The following ADCY9 variants were observed in gnomAD, a reference collection of about 807,000 sequenced individuals.
The protein encoded by ADCY9 is adenylate cyclase 9.
In ADCY9, 50 loss-of-function variants were observed where a neutral mutation model predicts 101.5. The observed-to-expected ratio is 0.49, with a 90% CI of 0.39 to 0.62. ADCY9 has a LOEUF of 0.62. Among genes scored for constraint, ADCY9 ranks in the 20% least tolerant of loss-of-function variants. The pLI is 0.00. For synonymous variants in ADCY9, 905 were observed against 769.3 expected (o/e 1.18, Z -2.92); for missense variants, 1,662 against 1,800.4 (o/e 0.92, Z 1.39).
intron 2 of ADCY9, among the ~76,000 whole-genome samples, chr16:4,048,660 G>A (rs78868370): frequency 0.052 from 7,926 of 152,166 alleles, 729 homozygotes; most frequent in African/African-American, 0.18. Flanking sequence ...AATAATAGGA[G>A]ACACAGCGAT....
At chr16:3,987,291 G>A (rs1465899285) in intron 6 of ADCY9, among the ~76,000 whole-genome samples, 3 of 152,240 alleles carry the variant, frequency 2.0e-5, no homozygotes, top group African/African-American at 7.2e-5. Flanking sequence ...CCAGCACCAA[G>A]AACAGTCCCT....
At chr16:3,972,234 CTTTTTT>C (rs34224958) in intron 10 of ADCY9, among the ~76,000 whole-genome samples, 8 of 144,566 alleles carry the variant, frequency 5.5e-5, no homozygotes, top group Non-Finnish European at 1.1e-4. Context: ...TTTTTCTTTT[CTTTTTT>C]TTTTTTTGAG....
intron 2 of ADCY9, among the ~76,000 whole-genome samples, chr16:4,111,110 T>C (rs1341909212): frequency 6.6e-6 from 1 of 152,152 alleles, no homozygotes; most frequent in Non-Finnish European, 1.5e-5. Flanking sequence ...CCTGTTCGGA[T>C]AAATTTGAAT....
rs771047637 is a variant in ADCY9, at chr16:4,113,726, G to A, written c.1693+24C>T. 6 of 1,591,546 alleles carry A rather than the reference G, an allele frequency of 3.8e-6. No individual in the cohort carries two copies. The Admixed American group carries it at 6.8e-5, about 18-fold the overall frequency. ...ACAATCAGGATCAGGGAGGGGGGAT[G>A]CCGAGGTAAAGCAGTGCACATACCT... On this transcript the variant is annotated intron_variant, in intron 2 of 10. Transcript: ENST00000294016.
intron 3 of ADCY9, 141 bp from the exon 4 acceptor site, chr16:3,993,651 G>A (rs2056265098): frequency 1.9e-6 from 2 of 1,059,900 alleles, no homozygotes; most frequent in East Asian, 2.6e-5. Flanking sequence ...GCTCGGGGAT[G>A]AGCTGAAAGC....
chr16:4,061,053 T>A (rs1162396331), intron 2 of ADCY9, among the ~76,000 whole-genome samples: 1 of 151,742 alleles, frequency 6.6e-6, no homozygotes, highest in Non-Finnish European at 1.5e-5. Context: ...AAACAGAAAT[T>A]CTAGAGTTCA....
At chr16:4,029,439 T>A (rs544668034) in intron 2 of ADCY9, among the ~76,000 whole-genome samples, 2 of 152,212 alleles carry the variant, frequency 1.3e-5, no homozygotes, top group Admixed American at 1.3e-4. Flanking sequence ...AGCCTGAATA[T>A]AAAGAACTCC....
At chr16:3,974,268 T>A (rs952426942) in intron 10 of ADCY9, among the ~76,000 whole-genome samples, 1 of 152,092 alleles carries the variant, frequency 6.6e-6, no homozygotes, top group African/African-American at 2.4e-5. Context: ...ATGGTCTCCA[T>A]CTCCTGACCT....
In ADCY9 at chr16:4,027,210, A is replaced by C. The variant is rs564510617; in HGVS notation, c.1694-19652T>G. ...CTTGCTCCTGCTCGAGCCTGCTCCC[A>C]CTCCGTGGAGTGTACTTTCATTTCA... On this transcript the variant is annotated intron_variant, in intron 2 of 10. Transcript: ENST00000294016. Among the ~76,000 whole-genome samples, 99 of 152,156 alleles carry C rather than the reference A, an allele frequency of 6.5e-4. No individual in the cohort carries two copies. The South Asian group carries it at 0.02, about 31-fold the overall frequency.
intron 3 of ADCY9, among the ~76,000 whole-genome samples, chr16:3,997,023 C>A (rs912278561): frequency 5.9e-5 from 9 of 152,122 alleles, no homozygotes; most frequent in African/African-American, 1.9e-4. Context: ...CACCACCACG[C>A]CTGGCTTATT....
rs1244428187 is a variant in ADCY9 at position 4,113,785 on chromosome 16, C to T, written c.1658G>A (p.Arg553Gln). 1.9e-6 allele frequency: 3 copies of T among 1,613,724 alleles called. No individual in the cohort carries two copies. Among genetic ancestry groups the T allele is most frequent in the Admixed American group, 3.3e-5 (2 of 59,980 alleles). The part of the protein sequence containing the change: ...YEMEDGKVIE[R>Q]LGQSVVADQL... ...GTCAGCAACCACGCTCTGGCCCAGC[C>T]GTTCAATAACTTTCCCATCTTCCAT... Residue 553 changes from arginine to glutamine, a missense_variant, in exon 2 of 11, where the codon CGG (arginine) becomes CAG (glutamine). By Grantham distance (43) the Arg-to-Gln change is conservative. This residue lies in a region of ADCY9 where 624 missense variants were observed against 639.1 expected (regional missense o/e 0.98). Transcript: ENST00000294016.
intron 7 of ADCY9, among the ~76,000 whole-genome samples, chr16:3,979,714 C>T (rs571995876): frequency 1.5e-3 from 225 of 152,336 alleles, no homozygotes; most frequent in Non-Finnish European, 2.9e-3. Flanking sequence ...GCAGAAGAGG[C>T]GGTCCTGGCA....
In ADCY9 at chr16:3,966,467, G is replaced by C. The variant is rs756388353; in HGVS notation, c.3370C>G (p.Gln1124Glu). 2 of 1,614,146 alleles carry C rather than the reference G, an allele frequency of 1.2e-6. No individual in the cohort carries two copies. Among genetic ancestry groups the C allele is most frequent in the Non-Finnish European group, 1.7e-6 (2 of 1,180,044 alleles). Residue 1124 changes from glutamine to glutamate, a missense_variant, in exon 11 of 11, where the codon CAG becomes GAG. Transcript: ENST00000294016. The stretch of plus-strand genomic sequence containing the variant: ...TGCGGGTGGCTGCCGTCCTGGGCCT[G>C]CGCGGTGTTCAGCCCTGACGCCGCC... ...YMAASGLNTA[Q>E]AQDGSHPQEH...
chr16:3,966,022 C>T lies in ADCY9; in HGVS notation c.3815G>A (p.Arg1272Gln), dbSNP rs997238587. The T allele has an allele frequency of 5.0e-6, 8 of 1,614,036 alleles. No homozygotes were observed. Among genetic ancestry groups the T allele is most frequent in the East Asian group, 4.5e-5 (2 of 44,884 alleles). Residue 1272 changes from arginine (R) to glutamine (Q), a missense_variant, in exon 11 of 11, where the codon CGG becomes CAG. This residue lies in a region of ADCY9 where 168 missense variants were observed against 155.3 expected (regional missense o/e 1.08). Coordinates refer to ENST00000294016, the MANE Select transcript of ADCY9 (RefSeq NM_001116.4). ...GTTGGCAATCTCGTCTGTGGGAGAC[C>T]GTCCGATGCTGCCATCCACCTGGAC... ...IRVQVDGSIG[R>Q]SPTDEIANLV...
At chr16:4,090,361 G>A (rs959924124) in intron 2 of ADCY9, among the ~76,000 whole-genome samples, 2 of 152,030 alleles carry the variant, frequency 1.3e-5, no homozygotes, top group Admixed American at 6.6e-5. Flanking sequence ...ACTGATGTTC[G>A]GTAATGCAGA....
chr16:4,042,048 T>A (rs774380660), intron 2 of ADCY9, among the ~76,000 whole-genome samples: 1 of 149,614 alleles, frequency 6.7e-6, no homozygotes, highest in Non-Finnish European at 1.5e-5. Flanking sequence ...CTCATCCTCC[T>A]GAGTAGCTGG....
At chr16:3,959,525 C>G (rs1008373930), downstream of ADCY9, among the ~76,000 whole-genome samples, 2 of 152,106 alleles carry the variant, frequency 1.3e-5, no homozygotes, top group African/African-American at 4.8e-5. Flanking sequence ...ATTTAACAAC[C>G]TAGGTAAATT....
chr16:3,978,553 TGAA>T (rs1290755526), intron 8 of ADCY9, among the ~76,000 whole-genome samples: 1 of 152,146 alleles, frequency 6.6e-6, no homozygotes, highest in Non-Finnish European at 1.5e-5. Flanking sequence ...TGGAACTTGA[TGAA>T]GAAGAAGCCA....
chr16:4,027,798 AC>A (rs1287520756), intron 2 of ADCY9, among the ~76,000 whole-genome samples: 1 of 151,424 alleles, frequency 6.6e-6, no homozygotes, highest in East Asian at 1.9e-4. Flanking sequence ...AATCGCTTGA[AC>A]CCAGGAGGCA....
Sources: allele counts gnomAD v4.1 joint callset (sites outside exome capture counted in the v4.1 genomes callset), GRCh38; gene constraint gnomAD v4.1.1; regional missense constraint gnomAD v4.1.1; transcripts MANE v1.5; gene names NCBI Gene and HGNC (gene_info 2026-07-23, HGNC 2026-07-21).